RBM26: variants seen among roughly 807,000 people sequenced by gnomAD.
The protein encoded by RBM26 is RNA-binding protein 26.
A neutral mutation model predicts 123.6 loss-of-function variants in RBM26; 30 were observed. That is an observed-to-expected ratio of 0.24 (90% CI 0.18 to 0.33). RBM26 has a LOEUF of 0.33. Ranked by LOEUF, RBM26 falls within the 10% of genes least tolerant of loss-of-function variation. RBM26 has a pLI of 1.00. For synonymous variants in RBM26, 400 were observed against 404.4 expected (o/e 0.99, Z 0.13); for missense variants, 947 against 1,203.6 (o/e 0.79, Z 3.15).
chr13:79,351,726 GAAGT>G (rs1473944373), intron 14 of RBM26, among the ~76,000 whole-genome samples: 1 of 152,150 alleles, frequency 6.6e-6, no homozygotes, highest in Non-Finnish European at 1.5e-5. Flanking sequence ...GACTAGAGCA[GAAGT>G]AATAGAACCA....
chr13:79,394,385 C>A (rs766982130), intron 1 of RBM26, among the ~76,000 whole-genome samples: 3 of 152,176 alleles, frequency 2.0e-5, no homozygotes, highest in Admixed American at 6.5e-5. Context: ...CGAGTCCTTA[C>A]CTCAAGCCCT....
intron 1 of RBM26, among the ~76,000 whole-genome samples, chr13:79,391,269 T>A (rs886557359): frequency 7.2e-5 from 11 of 152,222 alleles, no homozygotes; most frequent in Non-Finnish European, 1.3e-4. Context: ...TATGCTGGCA[T>A]ACAGTAAGCA....
intron 18 of RBM26, among the ~76,000 whole-genome samples, chr13:79,338,422 A>G (rs2070825212): frequency 6.6e-6 from 1 of 152,158 alleles, no homozygotes; most frequent in African/African-American, 2.4e-5. Context: ...TACTTGTTCA[A>G]TGAATCAAAG....
At chr13:79,369,072 T>A in intron 5 of RBM26, 82 bp from the exon 6 acceptor site, 1 of 902,800 alleles carries the variant, frequency 1.1e-6, no homozygotes, top group Non-Finnish European at 1.6e-6. Flanking sequence ...AGTGATATTT[T>A]TATAAACATA....
At chr13:79,384,246 T>C (rs964236450) in intron 1 of RBM26, among the ~76,000 whole-genome samples, 2 of 256 alleles carry the variant, frequency 7.8e-3, no homozygotes, top group African/African-American at 0.013. Flanking sequence ...CTAATAAAGT[T>C]TTTTTTTTTT....
chr13:79,377,955 A>G (rs2076784922), intron 2 of RBM26, among the ~76,000 whole-genome samples: 1 of 152,042 alleles, frequency 6.6e-6, no homozygotes, highest in East Asian at 1.9e-4. Flanking sequence ...AAGAAAGAAA[A>G]TATCCTAATA....
chr13:79,338,656 T>C (rs143289615), intron 18 of RBM26, among the ~76,000 whole-genome samples: 4 of 152,294 alleles, frequency 2.6e-5, no homozygotes, highest in African/African-American at 9.6e-5. Flanking sequence ...TAAAAGATTT[T>C]AAGCAGTAAA....
At chr13:79,385,914 A>G (rs916468804) in intron 1 of RBM26, among the ~76,000 whole-genome samples, 1 of 151,976 alleles carries the variant, frequency 6.6e-6, no homozygotes, top group East Asian at 1.9e-4. Context: ...CCCAGCTTAC[A>G]TTATTCTAAC....
At chr13:79,377,128 G>A in intron 3 of RBM26, 1 of 353,048 alleles carries the variant, frequency 2.8e-6, no homozygotes, top group South Asian at 5.4e-5. Flanking sequence ...GTAAGCTTGT[G>A]CTTGTTTTCC....
At chr13:79,394,071 C>T (rs914572190) in intron 1 of RBM26, among the ~76,000 whole-genome samples, 3 of 152,140 alleles carry the variant, frequency 2.0e-5, no homozygotes, top group Non-Finnish European at 4.4e-5. Flanking sequence ...GTAGCAAAGC[C>T]GGGATCCCCC....
At chr13:79,358,006 C>T (rs1021640813) in intron 11 of RBM26, among the ~76,000 whole-genome samples, 1 of 151,920 alleles carries the variant, frequency 6.6e-6, no homozygotes, top group African/African-American at 2.4e-5. Context: ...CCTCAACCTC[C>T]CGAGTAGCTG....
At position 79,379,030 on chromosome 13, in the gene RBM26, T is replaced by C. The variant is rs1471723102; in HGVS notation, c.72-123A>G. The C allele has an allele frequency of 4.7e-6, 3 of 632,010 alleles. No homozygotes were observed. The African/African-American group carries it at 5.6e-5, about 12-fold the overall frequency. 39.2% of individuals were successfully genotyped at this position (632,010 alleles called of 1,614,324 possible). A position where few individuals can be genotyped will look rare whatever the true frequency, so the allele number is the denominator to read the frequency against. On this transcript the variant is annotated intron_variant, in intron 1 of 21. Coordinates refer to ENST00000438737, the MANE Select transcript of RBM26 (RefSeq NM_001366735.2). The stretch of plus-strand genomic sequence containing the variant: ...TTAATACATGTAAAAAGCACCCGGG[T>C]CACAGAGGACCTTGAAGAAATTTAA...
chr13:79,337,087 G>A lies in RBM26; in HGVS notation c.2733+15C>T, dbSNP rs781166653. 6.2e-7 allele frequency: 1 copy of A among 1,606,358 alleles called. No homozygotes were observed. Among genetic ancestry groups the A allele is most frequent in the South Asian group, 1.1e-5 (1 of 90,654 alleles). On this transcript the variant is annotated intron_variant, in intron 19 of 21. Transcript: ENST00000438737. ...TGATTATCAGCATTTGTTTTGTTGA[G>A]CAGTAAGAAAGTACCGCAAAATGAG... is the stretch of plus-strand genomic sequence containing the variant.
At chr13:79,384,430 G>C (rs991720121) in intron 1 of RBM26, among the ~76,000 whole-genome samples, 3 of 151,912 alleles carry the variant, frequency 2.0e-5, no homozygotes, top group African/African-American at 7.3e-5. Context: ...GCTAATTTTT[G>C]TTTGGGTGTA....
chr13:79,382,364 G>A (rs1424112132), intron 1 of RBM26, among the ~76,000 whole-genome samples: 1 of 152,040 alleles, frequency 6.6e-6, no homozygotes, highest in Non-Finnish European at 1.5e-5. Context: ...CTTTACCCCT[G>A]CTATATACTG....
chr13:79,339,553 A>C (rs2139035973), intron 18 of RBM26, among the ~76,000 whole-genome samples: 1 of 152,282 alleles, frequency 6.6e-6, no homozygotes, highest in South Asian at 2.1e-4. Flanking sequence ...TCAATATAAC[A>C]AAATAACACG....
chr13:79,382,193 C>T (rs2077116831), intron 1 of RBM26, among the ~76,000 whole-genome samples: 1 of 151,970 alleles, frequency 6.6e-6, no homozygotes, highest in Non-Finnish European at 1.5e-5. Context: ...ATTAAATAAA[C>T]ATTCAAATTA....
intron 1 of RBM26, among the ~76,000 whole-genome samples, chr13:79,379,425 C>T (rs943767478): frequency 2.0e-5 from 3 of 149,682 alleles, no homozygotes; most frequent in African/African-American, 4.9e-5. Flanking sequence ...TGCCTGTAGT[C>T]CCAGCTACTC....
intron 18 of RBM26, among the ~76,000 whole-genome samples, chr13:79,339,281 G>A (rs1467670753): frequency 1.3e-5 from 2 of 152,144 alleles, no homozygotes; most frequent in Non-Finnish European, 2.9e-5. Context: ...ATGGAGAGAT[G>A]TTGGTCAAAG....
Sources: allele counts gnomAD v4.1 joint callset (sites outside exome capture counted in the v4.1 genomes callset), GRCh38; gene constraint gnomAD v4.1.1; transcripts MANE v1.5; gene names NCBI Gene and HGNC (gene_info 2026-07-23, HGNC 2026-07-21).